Variants in SART1 observed in about 807,000 individuals in gnomAD.
SART1 encodes the protein spliceosome associated factor 1, recruiter of U4/U6.U5 tri-snRNP, also known as U4/U6.U5 tri-snRNP-associated protein 1.
In SART1, 28 loss-of-function variants were observed where a neutral mutation model predicts 105.0. That is an observed-to-expected ratio of 0.27 (90% CI 0.20 to 0.37). The LOEUF (loss-of-function observed/expected upper bound fraction) is 0.37, where lower values mean the gene tolerates loss of function less well. Ranked by LOEUF, SART1 falls within the 10% of genes least tolerant of loss-of-function variation. The pLI, the probability that SART1 is intolerant of heterozygous loss-of-function variation, is 1.00. For synonymous variants in SART1, 472 were observed against 462.9 expected (o/e 1.02, Z -0.25); for missense variants, 894 against 1,106.5 (o/e 0.81, Z 2.72).
At chr11:65,968,614 T>G (rs1855309874) in intron 12 of SART1, among the ~76,000 whole-genome samples, 1 of 152,100 alleles carries the variant, frequency 6.6e-6, no homozygotes, top group African/African-American at 2.4e-5. Flanking sequence ...ATCTGAGACT[T>G]GAGTCACACA....
intron 12 of SART1, among the ~76,000 whole-genome samples, chr11:65,972,751 A>G (rs1256595049): frequency 1.3e-5 from 2 of 151,656 alleles, no homozygotes; most frequent in East Asian, 3.9e-4. Context: ...ACAGATAGCT[A>G]TGATAGCCTG....
At chr11:65,977,239 C>G (rs1855501799) in intron 15 of SART1, 138 bp downstream of exon 15, 1 of 656,532 alleles carries the variant, frequency 1.5e-6, no homozygotes, top group African/African-American at 1.8e-5. Context: ...CAGAGCCACT[C>G]CTTCCCCTCC....
chr11:65,977,505 C>A, intron 15 of SART1, 58 bp from the exon 16 acceptor site: 3 of 1,447,984 alleles, frequency 2.1e-6, no homozygotes, highest in African/African-American at 1.4e-5. Context: ...CCTTCTCAGG[C>A]GGCCCTGGAG....
Position 65,962,053 on chromosome 11 carries a change from G to A in SART1, c.273G>A (p.Arg91=), listed in dbSNP as rs1421640016. The change falls in exon 1 of 20, where the codon CGG becomes CGA. Residue 91 remains arginine (R), a synonymous_variant. Coordinates refer to ENST00000312397, the MANE Select transcript of SART1 (RefSeq NM_005146.5). ...GCAGCCAGGCAGAGCCCTCCGAGCG[G>A]CGCGTGAAGCGGGAGAAGCGCGATG... ...RERSQAEPSE[R]RVKREKRDDG... The A allele has an allele frequency of 6.7e-7, 1 of 1,495,616 alleles. No individual in the cohort carries two copies. Among genetic ancestry groups the A allele is most frequent in the Non-Finnish European group, 8.8e-7 (1 of 1,129,986 alleles). 92.6% of individuals were successfully genotyped at this position (1,495,616 alleles called of 1,614,324 possible).
rs116267709 is a variant in SART1, at chr11:65,978,985, G to A, written c.2385-27G>A. 3,357 of 1,614,056 alleles carry A rather than the reference G, an allele frequency of 2.1e-3. 73 individuals are homozygous for A. The African/African-American group carries it at 0.039, about 19-fold the overall frequency. On this transcript the variant is annotated intron_variant, in intron 19 of 19. Transcript: ENST00000312397. The surrounding 1 kb of genome is among the most constrained non-coding windows in gnomAD (Gnocchi z 6.8). ...GGCGTGGCCTGTGCCCGCCTCTGCA[G>A]CCTCACGCCCCTGTTCTTCTCTGCA...
At position 65,962,090 on chromosome 11, in the gene SART1, G is replaced by A. The variant is rs1415300611; in HGVS notation, c.310G>A (p.Ala104Thr). ...KREKRDDGYE[A>T]AASSKTSSGD... is the part of the protein sequence containing the mutation. ...GGAGAAGCGCGATGACGGCTACGAGGCCGGTGAGGAGGCGGGGCCTGCGCA... is the reference window on the plus strand; with the variant it reads ...GGAGAAGCGCGATGACGGCTACGAGACCGGTGAGGAGGCGGGGCCTGCGCA... Residue 104 changes from alanine (A) to threonine (T), a missense_variant, in exon 1 of 20, where the codon GCC becomes ACC. Transcript: ENST00000312397. 14 of 1,460,788 alleles carry A rather than the reference G, an allele frequency of 9.6e-6. No individual in the cohort carries two copies. Among genetic ancestry groups the A allele is most frequent in the Non-Finnish European group, 1.3e-5 (14 of 1,115,866 alleles). The allele number at this position is 1,460,788 out of a possible 1,614,324, so 90.5% of individuals were successfully genotyped here.
At position 65,967,554 on chromosome 11, in the gene SART1, C is replaced by A; in HGVS notation, c.1397C>A (p.Thr466Asn). 1 of 1,612,756 alleles carries A rather than the reference C, an allele frequency of 6.2e-7. No individual in the cohort carries two copies. Among genetic ancestry groups the A allele is most frequent in the South Asian group, 1.1e-5 (1 of 91,060 alleles). The change falls in exon 11 of 20, where the codon ACC becomes AAC. Residue 466 changes from threonine (T) to asparagine (N), a missense_variant. Transcript: ENST00000312397. Reference protein sequence around the residue: ...PVPQPLPSDDTRVENMDISDE... With the variant: ...PVPQPLPSDDNRVENMDISDE... ...CCTCAGCCCCTGCCGTCGGACGACACCCGAGTGGAGAACATGGACATCAGT... is the reference window on the plus strand; with the variant it reads ...CCTCAGCCCCTGCCGTCGGACGACAACCGAGTGGAGAACATGGACATCAGT...
chr11:65,969,685 G>T (rs1484190561), intron 12 of SART1, among the ~76,000 whole-genome samples: 1 of 151,932 alleles, frequency 6.6e-6, no homozygotes, highest in African/African-American at 2.4e-5. Context: ...AAAGTGCTGG[G>T]GTTACAGGCA....
At chr11:65,977,719 C>T (rs1178654886) in intron 16 of SART1, 45 bp from the exon 17 acceptor site, 4 of 1,613,720 alleles carry the variant, frequency 2.5e-6, no homozygotes, top group South Asian at 1.1e-5. Flanking sequence ...GGGACCACAG[C>T]AGGCGGCAGC....
rs1348209848 is a variant in SART1 at position 65,967,967 on chromosome 11, T to G, written c.1572+146T>G. On this transcript the variant is annotated intron_variant, in intron 12 of 19. Transcript: ENST00000312397. ...TGGGTTTGTTTTTTTTTTTTTTTTT[T>G]GAGACAGAGTTTCGCTCTTTCGCCC... 10 of 544,140 alleles carry G rather than the reference T, an allele frequency of 1.8e-5. 1 individual carries two copies. Among genetic ancestry groups the G allele is most frequent in the Non-Finnish European group, 2.9e-5 (10 of 348,202 alleles). The allele number at this position is 544,140 out of a possible 1,614,324, so 33.7% of individuals were successfully genotyped here.
chr11:65,967,055 G>A (rs1000680293), intron 9 of SART1, among the ~76,000 whole-genome samples: 7 of 152,114 alleles, frequency 4.6e-5, no homozygotes, highest in Non-Finnish European at 1.0e-4. Flanking sequence ...CCTTGGGGAA[G>A]GTACTTAACC....
chr11:65,962,108 C>A lies in SART1; in HGVS notation c.313+15C>A. 1.9e-6 allele frequency: 1 copy of A among 531,878 alleles called. No homozygotes were observed. Among genetic ancestry groups the A allele is most frequent in the Non-Finnish European group, 2.8e-6 (1 of 357,454 alleles). 32.9% of individuals were successfully genotyped at this position (531,878 alleles called of 1,614,324 possible). On this transcript the variant is annotated intron_variant, in intron 1 of 19. Coordinates refer to ENST00000312397, the MANE Select transcript of SART1 (RefSeq NM_005146.5). ...CTACGAGGCCGGTGAGGAGGCGGGG[C>A]CTGCGCAGGGGGCGGGTCGGGCGGG... is the stretch of plus-strand genomic sequence containing the variant.
rs149203052 is a variant in SART1, at chr11:65,966,109, A to T, written c.872A>T (p.Asn291Ile). 6.2e-7 allele frequency: 1 copy of T among 1,613,860 alleles called. No homozygotes were observed. The highest frequency in any genetic ancestry group is 1.3e-5 in the African/African-American group (1 of 74,918). Residue 291 changes from asparagine (N) to isoleucine (I), a missense_variant, in exon 8 of 20, where the codon AAC becomes ATC. Around this residue, in one of 2 missense-constraint regions of SART1, gnomAD observed 712 missense variants for 778.2 expected, o/e 0.91. Coordinates refer to ENST00000312397, the MANE Select transcript of SART1 (RefSeq NM_005146.5). ...VLQEEEDVLV[N>I]VNLVDKERAE... ...CAGGAGGAGGAGGACGTGCTGGTGA[A>T]CGTGAACCTGGTGGATAAGGAGCGG...
chr11:65,968,727 G>C (rs1168885822), intron 12 of SART1, among the ~76,000 whole-genome samples: 1 of 152,188 alleles, frequency 6.6e-6, no homozygotes, highest in African/African-American at 2.4e-5. Context: ...TGACCTTAGA[G>C]TGCCTGAGGG....
In SART1 at chr11:65,961,992, A is replaced by T. The variant is rs1855151809; in HGVS notation, c.212A>T (p.Glu71Val). 1 of 1,515,280 alleles carries T rather than the reference A, an allele frequency of 6.6e-7. No homozygotes were observed. Among genetic ancestry groups the T allele is most frequent in the Admixed American group, 2.1e-5 (1 of 48,630 alleles). The allele number at this position is 1,515,280 out of a possible 1,614,324, so 93.9% of individuals were successfully genotyped here. ...GERGSGRRGAEAEARSSTHGR... is the reference protein window; with the variant it reads ...GERGSGRRGAVAEARSSTHGR... ...CGCGGGAGCGGGCGGCGCGGGGCCG[A>T]AGCTGAGGCCCGGAGCAGCACGCAC... Residue 71 changes from glutamate (E) to valine (V), a missense_variant, in exon 1 of 20, where the codon GAA becomes GTA. Physicochemically the swap from Glu to Val is moderately radical, Grantham distance 121 (BLOSUM62 -2). Transcript: ENST00000312397.
Position 65,966,495 on chromosome 11 carries a change from C to G in SART1, c.1127C>G (p.Ala376Gly). The G allele has an allele frequency of 6.2e-7, 1 of 1,603,406 alleles. No homozygotes were observed. The highest frequency in any genetic ancestry group is 8.5e-7 in the Non-Finnish European group (1 of 1,174,604). Residue 376 changes from alanine to glycine, a missense_variant, in exon 9 of 20, where the codon GCT becomes GGT. This residue lies in a region of SART1 where 712 missense variants were observed against 778.2 expected (regional missense o/e 0.91). Coordinates refer to ENST00000312397, the MANE Select transcript of SART1 (RefSeq NM_005146.5). ...ATCCGGGCCAAGCTGCGGCTGCAGGCTCAGTCCCTGAGCACAGTGGGGCCC... is the reference window on the plus strand; with the variant it reads ...ATCCGGGCCAAGCTGCGGCTGCAGGGTCAGTCCCTGAGCACAGTGGGGCCC... ...EEIRAKLRLQ[A>G]QSLSTVGPRL... is the part of the protein sequence containing the mutation.
chr11:65,971,725 A>T (rs1291216263), intron 12 of SART1, among the ~76,000 whole-genome samples: 2 of 151,968 alleles, frequency 1.3e-5, no homozygotes, highest in Non-Finnish European at 2.9e-5. Flanking sequence ...GGGACAAGGC[A>T]GTTAAGGGTT....
intron 12 of SART1, among the ~76,000 whole-genome samples, chr11:65,969,578 T>C (rs1263719986): frequency 6.6e-6 from 1 of 152,172 alleles, no homozygotes; most frequent in African/African-American, 2.4e-5. Context: ...GGCTCTCAAG[T>C]AGCTGAGACT....
rs1304387235 is a variant in SART1, at chr11:65,967,474, G to A, written c.1317G>A (p.Leu439=). 4 of 1,613,468 alleles carry A rather than the reference G, an allele frequency of 2.5e-6. No individual in the cohort carries two copies. The highest frequency in any genetic ancestry group is 2.5e-6 in the Non-Finnish European group (3 of 1,179,902). ...CAGAGAGGCCTCCTTCCCTCAGACT[G>A]CGGGGACGGGGTCGCCGCCGAGTGT... is the stretch of plus-strand genomic sequence containing the variant. ...QTQDGDFGSR[L]RGRGRRRVSE... The change falls in exon 11 of 20, where the codon CTG becomes CTA. Residue 439 remains leucine (L), a synonymous_variant. Transcript: ENST00000312397.
Sources: allele counts gnomAD v4.1 joint callset (sites outside exome capture counted in the v4.1 genomes callset), GRCh38; gene constraint gnomAD v4.1.1; regional missense constraint gnomAD v4.1.1; non-coding constraint Gnocchi (gnomAD v3.1); transcripts MANE v1.5; gene names NCBI Gene and HGNC (gene_info 2026-07-23, HGNC 2026-07-21).